Variants in ZCCHC4 observed in about 807,000 individuals in gnomAD.
ZCCHC4 encodes the protein rRNA N(6)-adenosine-methyltransferase ZCCHC4.
In ZCCHC4, 54 loss-of-function variants were observed where a neutral mutation model predicts 67.7. The ratio of observed to expected loss-of-function variants is 0.80; its 90% confidence interval spans 0.64 to 1.00. The LOEUF (loss-of-function observed/expected upper bound fraction) is 1.00, where lower values mean the gene tolerates loss of function less well. Ranked by LOEUF, ZCCHC4 falls within the 50% of genes least tolerant of loss-of-function variation. The pLI, the probability that ZCCHC4 is intolerant of heterozygous loss-of-function variation, is 0.00. For missense variants in ZCCHC4, 609 were observed against 617.0 expected (o/e 0.99, Z 0.14); for synonymous variants, 198 against 213.5 (o/e 0.93, Z 0.63).
At chr4:25,364,389 A>G in intron 10 of ZCCHC4, 65 bp from the exon 11 acceptor site, 6 of 1,230,956 alleles carry the variant, frequency 4.9e-6, no homozygotes, top group Non-Finnish European at 6.6e-6. Context: ...TTAATTTTTA[A>G]TTGTAGAACT....
chr4:25,339,484 G>A (rs912709380), intron 5 of ZCCHC4, among the ~76,000 whole-genome samples: 1 of 152,176 alleles, frequency 6.6e-6, no homozygotes, highest in African/African-American at 2.4e-5. Flanking sequence ...GTATCTCCTT[G>A]AGGTTTTGTT....
intron 12 of ZCCHC4, chr4:25,366,184 A>C: frequency 1.0e-6 from 1 of 981,594 alleles, no homozygotes; most frequent in Non-Finnish European, 1.2e-6. Context: ...TGGTCTAGCC[A>C]CTTGAATTCT....
In ZCCHC4 at chr4:25,369,047, G is replaced by T. The variant is rs61744830; in HGVS notation, c.1425G>T (p.Lys475Asn). 3,994 of 1,611,220 alleles carry T rather than the reference G, an allele frequency of 2.5e-3. 63 individuals are homozygous for T. The African/African-American group carries it at 0.036, about 15-fold the overall frequency. Reference sequence around the variant, plus strand: ...TTTCCAGAGCTGTCAGAAAGCAGAAGCAAAGAAAAAGTAATAAGATGAAAA... The same window carrying T: ...TTTCCAGAGCTGTCAGAAAGCAGAATCAAAGAAAAAGTAATAAGATGAAAA... The part of the protein sequence containing the change: ...KRANKAVRKQ[K>N]QRKSNKMKME... Residue 475 changes from lysine (K) to asparagine (N), a missense_variant, in exon 13 of 13, where the codon AAG (lysine) becomes AAT (asparagine). Coordinates refer to ENST00000302874, the MANE Select transcript of ZCCHC4 (RefSeq NM_024936.3).
intron 3 of ZCCHC4, among the ~76,000 whole-genome samples, chr4:25,326,460 G>A (rs537657284): frequency 3.3e-5 from 5 of 152,170 alleles, no homozygotes; most frequent in Admixed American, 3.3e-4. Flanking sequence ...GGAGTGAGGG[G>A]GCATCATTCA....
chr4:25,349,542 A>C lies in ZCCHC4; in HGVS notation c.810A>C (p.Gly270=). ...RAFLQEDKGE[G]IIMVTDPPFG... is the part of the protein sequence containing the mutation. ...TTTTACAGGAAGATAAAGGCGAAGGAATCATTATGGTGACGGATCCTCCGT... is the reference window on the plus strand; with the variant it reads ...TTTTACAGGAAGATAAAGGCGAAGGCATCATTATGGTGACGGATCCTCCGT... The change falls in exon 7 of 13, where the codon GGA becomes GGC. Residue 270 remains glycine (G), a synonymous_variant. Coordinates refer to ENST00000302874, the MANE Select transcript of ZCCHC4 (RefSeq NM_024936.3). The C allele has an allele frequency of 1.2e-6, 2 of 1,614,028 alleles. No individual in the cohort carries two copies. The highest frequency in any genetic ancestry group is 3.3e-5 in the Admixed American group (2 of 60,014).
chr4:25,360,718 C>T (rs1304301233), intron 8 of ZCCHC4, among the ~76,000 whole-genome samples: 1 of 152,312 alleles, frequency 6.6e-6, no homozygotes, highest in Non-Finnish European at 1.5e-5. Context: ...AGTCCTAATG[C>T]AAGATAAGGC....
chr4:25,327,758 A>G (rs1560401533), intron 3 of ZCCHC4, among the ~76,000 whole-genome samples: 1 of 152,148 alleles, frequency 6.6e-6, no homozygotes, highest in Non-Finnish European at 1.5e-5. Flanking sequence ...CTGGGATTAG[A>G]GGCATGAGCC....
chr4:25,352,523 C>T (rs1040276455), intron 8 of ZCCHC4: 7 of 456,448 alleles, frequency 1.5e-5, no homozygotes, highest in Middle Eastern at 1.0e-3. Flanking sequence ...ATTCTTCTGC[C>T]TTAGCCTCCT....
At chr4:25,338,557 G>GC (rs1266072081) in intron 5 of ZCCHC4, among the ~76,000 whole-genome samples, 1 of 152,016 alleles carries the variant, frequency 6.6e-6, no homozygotes, top group African/African-American at 2.4e-5. Context: ...CATTTACCAT[G>GC]CCCCCAGCCT....
At chr4:25,346,875 G>C (rs2109078955) in intron 6 of ZCCHC4, among the ~76,000 whole-genome samples, 1 of 152,330 alleles carries the variant, frequency 6.6e-6, no homozygotes, top group Admixed American at 6.5e-5. Context: ...TCGCAGCTGG[G>C]ACAGTGGCAG....
At position 25,369,247 on chromosome 4, in the gene ZCCHC4, T is replaced by G; in HGVS notation, c.*83T>G. On this transcript the variant is annotated 3_prime_UTR_variant, in exon 13 of 13. Coordinates refer to ENST00000302874, the MANE Select transcript of ZCCHC4 (RefSeq NM_024936.3). ...TGAAAGTGCCACACTGGACTTAAAT[T>G]CAGCTGCTTCCAGAGGTGTGCACCT... 1 of 1,578,108 alleles carries G rather than the reference T, an allele frequency of 6.3e-7. No homozygotes were observed. The highest frequency in any genetic ancestry group is 8.6e-7 in the Non-Finnish European group (1 of 1,163,974).
At chr4:25,334,300 G>T (rs1719341683) in intron 5 of ZCCHC4, among the ~76,000 whole-genome samples, 1 of 152,190 alleles carries the variant, frequency 6.6e-6, no homozygotes, top group African/African-American at 2.4e-5. Context: ...TATGTTCAAA[G>T]ATAATTCTAA....
At chr4:25,317,626 G>A (rs1022983966) in intron 3 of ZCCHC4, among the ~76,000 whole-genome samples, 10 of 141,522 alleles carry the variant, frequency 7.1e-5, no homozygotes, top group South Asian at 2.2e-4. Context: ...CAGGAGAATC[G>A]CTTGAACCTG....
At chr4:25,342,852 C>A (rs897560365) in intron 5 of ZCCHC4, among the ~76,000 whole-genome samples, 3 of 152,180 alleles carry the variant, frequency 2.0e-5, no homozygotes, top group African/African-American at 7.2e-5. Context: ...GAACTGAAAT[C>A]TTGGCTTTTC....
chr4:25,338,824 C>G (rs553792704), intron 5 of ZCCHC4, among the ~76,000 whole-genome samples: 115 of 152,232 alleles, frequency 7.6e-4, no homozygotes, highest in African/African-American at 2.6e-3. Context: ...TGAGTTGCTT[C>G]CACTTTTTGG....
rs1187503163 is a variant in ZCCHC4 at position 25,365,408 on chromosome 4, G to T, written c.1406+242G>T. ...ATAACCAAAATATGAGGTAGAAAGT[G>T]GTTAATTTTACCTCTCCTTGGCTTT... On this transcript the variant is annotated intron_variant, in intron 12 of 12. Transcript: ENST00000302874. The T allele has an allele frequency of 4.7e-6, 6 of 1,266,876 alleles. No individual in the cohort carries two copies. The East Asian group carries it at 1.4e-4, about 30-fold the overall frequency. 78.5% of individuals were successfully genotyped at this position (1,266,876 alleles called of 1,614,324 possible).
chr4:25,344,774 C>G (rs887355425), intron 5 of ZCCHC4, among the ~76,000 whole-genome samples: 1 of 150,696 alleles, frequency 6.6e-6, no homozygotes, highest in South Asian at 2.1e-4. Flanking sequence ...ATTAAGCTAG[C>G]CTGCGTTAGA....
intron 5 of ZCCHC4, among the ~76,000 whole-genome samples, chr4:25,337,856 A>G (rs1719536213): frequency 6.6e-6 from 1 of 152,146 alleles, no homozygotes; most frequent in Non-Finnish European, 1.5e-5. Context: ...TTTTCAAGCT[A>G]TTTTTAGTGG....
rs1168280856 is a variant in ZCCHC4, at chr4:25,345,603, C to A, written c.742C>A (p.His248Asn). 3 of 1,567,638 alleles carry A rather than the reference C, an allele frequency of 1.9e-6. No individual in the cohort carries two copies. The highest frequency in any genetic ancestry group is 2.7e-5 in the African/African-American group (2 of 73,962). ...SFCHYNMFNH[H>N]FFDGKTALEV... ...TTGCCATTATAATATGTTTAACCAT[C>A]ATTTCTTTGATGGAAAGGTAAGAGC... The change falls in exon 6 of 13, where the codon CAT becomes AAT. Residue 248 changes from histidine to asparagine, a missense_variant. Physicochemically the swap from His to Asn is moderately conservative, Grantham distance 68. Coordinates refer to ENST00000302874, the MANE Select transcript of ZCCHC4 (RefSeq NM_024936.3).
Sources: gnomAD v4.1 joint callset for allele counts (sites outside exome capture counted in the v4.1 genomes callset) on GRCh38, gnomAD v4.1.1 for gene constraint, MANE v1.5 for transcripts, NCBI Gene and HGNC (gene_info 2026-07-23, HGNC 2026-07-21) for gene names.